The following ZNF324B variants were observed in gnomAD, a reference collection of about 807,000 sequenced individuals.
ZNF324B encodes zinc finger protein 324B.
ZNF324B carries 7 observed loss-of-function variants against 10.6 expected under a neutral mutation model. The observed-to-expected ratio is 0.66, with a 90% confidence interval of 0.38 to 1.24. The LOEUF (loss-of-function observed/expected upper bound fraction) is 1.24. Among genes scored for constraint, ZNF324B ranks in the 50% most tolerant of loss-of-function variants. ZNF324B has a pLI of 0.02. For missense variants in ZNF324B, 640 were observed against 764.7 expected (o/e 0.84, Z 1.92); for synonymous variants, 316 against 321.0 (o/e 0.98, Z 0.17).
In ZNF324B at chr19:58,456,290, G is replaced by A. The variant is rs2052920564; in HGVS notation, c.1346G>A (p.Gly449Asp). 3.7e-6 allele frequency: 6 copies of A among 1,612,918 alleles called. No individual in the cohort carries two copies. In the East Asian group the frequency reaches 1.3e-4, roughly 36 times the overall value. ...ACCCAGCACCAGCTCCTGCACACGG[G>A]CGAGCGGCCCTTCCGCTGCGTGGAC... ...NLTQHQLLHT[G>D]ERPFRCVDCG... The change falls in exon 4 of 4, where the codon GGC becomes GAC. Residue 449 changes from glycine to aspartate, a missense_variant. Physicochemically the swap from Gly to Asp is moderately conservative, Grantham distance 94 (BLOSUM62 -1). Coordinates refer to ENST00000336614, the MANE Select transcript of ZNF324B (RefSeq NM_207395.3). The surrounding 1 kb of genome is among the most constrained non-coding windows in gnomAD (Gnocchi z 4.7).
chr19:58,434,912 C>A, the ZNF324B span: 1 of 1,614,144 alleles, frequency 6.2e-7, no homozygotes, highest in Non-Finnish European at 8.5e-7. Flanking sequence ...TTCATAAGTG[C>A]GTCCCTGTCC....
the ZNF324B span, among the ~76,000 whole-genome samples, chr19:58,424,671 TTC>T: frequency 1.3e-5 from 2 of 152,132 alleles, no homozygotes; most frequent in African/African-American, 2.4e-5. Context: ...AGTTTGACAG[TTC>T]TTAAAATGTT....
At chr19:58,432,784 C>G in the ZNF324B span, 10 of 165,772 alleles carry the variant, frequency 6.0e-5, no homozygotes, top group South Asian at 1.4e-4. Flanking sequence ...TTTTCTCAAC[C>G]TACCCCAACA....
Position 58,456,647 on chromosome 19 carries a change from G to A in ZNF324B, c.*68G>A. The A allele has an allele frequency of 1.3e-6, 2 of 1,524,308 alleles. No homozygotes were observed. Among genetic ancestry groups the A allele is most frequent in the Non-Finnish European group, 1.8e-6 (2 of 1,127,694 alleles). The allele number at this position is 1,524,308 out of a possible 1,614,324, so 94.4% of individuals were successfully genotyped here. Reference sequence around the variant, plus strand: ...TCCCTTCCACAGCTAAAGGGTCCGAGTGCTCTTCAGATCCACGATGGGGAA... The same window carrying A: ...TCCCTTCCACAGCTAAAGGGTCCGAATGCTCTTCAGATCCACGATGGGGAA... On this transcript the variant is annotated 3_prime_UTR_variant, in exon 4 of 4. Coordinates refer to ENST00000336614, the MANE Select transcript of ZNF324B (RefSeq NM_207395.3). The surrounding 1 kb of genome is among the most constrained non-coding windows in gnomAD (Gnocchi z 4.7).
In ZNF324B at chr19:58,456,485, ACTGCACCCCGGGG is replaced by A. The variant is rs2052924102; in HGVS notation, c.1543_1555del (p.Cys515GlnfsTer21). The A allele has an allele frequency of 6.2e-7, 1 of 1,614,042 alleles. No homozygotes were observed. Among genetic ancestry groups the A allele is most frequent in the African/African-American group, 1.3e-5 (1 of 74,926 alleles). On this transcript the variant is annotated frameshift_variant, in exon 4 of 4. Coordinates refer to ENST00000336614, the MANE Select transcript of ZNF324B (RefSeq NM_207395.3). LOFTEE classifies it low-confidence loss of function (END_TRUNC). The surrounding 1 kb of genome is among the most constrained non-coding windows in gnomAD (Gnocchi z 4.7). ...GAGAAGACCAATGCCGCAGCACCAGACTGCACCCCGGGGCCAGGTTTCCTTCAGGGACATCATC... is the reference window on the plus strand; with the variant it reads ...GAGAAGACCAATGCCGCAGCACCAGACCAGGTTTCCTTCAGGGACATCATC...
the ZNF324B span, chr19:58,429,331 T>C: frequency 6.6e-6 from 1 of 152,212 alleles, no homozygotes; most frequent in African/African-American, 2.4e-5. Flanking sequence ...CATTCCTAAG[T>C]GTCACATGTA....
the ZNF324B span, chr19:58,437,605 T>C: frequency 1.3e-6 from 1 of 790,066 alleles, no homozygotes; most frequent in Non-Finnish European, 1.5e-6. Flanking sequence ...ATGGGCCCAA[T>C]GGTTCACATT....
At chr19:58,432,818 CT>C in the ZNF324B span, 2 of 166,570 alleles carry the variant, frequency 1.2e-5, no homozygotes, top group Admixed American at 1.1e-4. Flanking sequence ...TAAAGGTGAC[CT>C]GATCAATAAG....
the ZNF324B span, among the ~76,000 whole-genome samples, chr19:58,420,846 T>TA: frequency 6.6e-6 from 1 of 151,474 alleles, no homozygotes; most frequent in Admixed American, 6.6e-5. Flanking sequence ...TAGCTGGGAT[T>TA]ATAGGCATCG....
the ZNF324B span, among the ~76,000 whole-genome samples, chr19:58,426,804 C>T: frequency 6.6e-6 from 1 of 152,176 alleles, no homozygotes; most frequent in African/African-American, 2.4e-5. Context: ...AGAGAACTAC[C>T]ATTGCATACA....
upstream of ZNF324B, among the ~76,000 whole-genome samples, chr19:58,447,241 G>A (rs1027437189): frequency 1.3e-5 from 2 of 152,060 alleles, no homozygotes; most frequent in African/African-American, 2.4e-5. Flanking sequence ...GCCTCCCAAA[G>A]TGCTGGGATT....
chr19:58,446,933 C>T (rs1466590775), upstream of ZNF324B, among the ~76,000 whole-genome samples: 1 of 150,212 alleles, frequency 6.7e-6, no homozygotes. Flanking sequence ...CTTTCCTTTG[C>T]TTTCCTTTCC....
At chr19:58,422,796 C>T in the ZNF324B span, among the ~76,000 whole-genome samples, 1 of 151,330 alleles carries the variant, frequency 6.6e-6, no homozygotes, top group Non-Finnish European at 1.5e-5. Context: ...CAAATAACCC[C>T]CTTCCAAAAA....
chr19:58,448,937 G>A (rs117639670), upstream of ZNF324B, among the ~76,000 whole-genome samples: 777 of 152,302 alleles, frequency 5.1e-3, 4 homozygotes, highest in Middle Eastern at 6.8e-3. Context: ...AAGTAACCAG[G>A]AGTCAAATGT....
chr19:58,432,018 A>G, the ZNF324B span, among the ~76,000 whole-genome samples: 1 of 152,060 alleles, frequency 6.6e-6, no homozygotes, highest in South Asian at 2.1e-4. Context: ...GCCAAACACC[A>G]TATTCTACAA....
chr19:58,446,893 C>CTTTTT (rs1314219256), upstream of ZNF324B, among the ~76,000 whole-genome samples: 1 of 151,632 alleles, frequency 6.6e-6, no homozygotes, highest in Admixed American at 6.6e-5. Context: ...TTTGTCTTTT[C>CTTTTT]TTTTTTCTTT....
chr19:58,436,538 GGCACCTGTAGTCCCA>G, the ZNF324B span, among the ~76,000 whole-genome samples: 1 of 151,732 alleles, frequency 6.6e-6, no homozygotes, highest in Non-Finnish European at 1.5e-5. Flanking sequence ...TGTGGTGGCA[GGCACCTGTAGTCCCA>G]GCTACTTGGG....
chr19:58,432,997 G>T, the ZNF324B span: 1 of 207,174 alleles, frequency 4.8e-6, no homozygotes, highest in Non-Finnish European at 9.6e-6. Flanking sequence ...CCCTCAACCA[G>T]CATCGGTTCA....
chr19:58,447,025 G>T (rs1314284209), upstream of ZNF324B, among the ~76,000 whole-genome samples: 4 of 150,598 alleles, frequency 2.7e-5, no homozygotes, highest in Admixed American at 6.6e-5. Context: ...GCTCAGGCTG[G>T]AGTGCAGTGG....
Sources: gnomAD v4.1 joint callset for allele counts (sites outside exome capture counted in the v4.1 genomes callset) on GRCh38, gnomAD v4.1.1 for gene constraint, Gnocchi (gnomAD v3.1) non-coding constraint, MANE v1.5 for transcripts, NCBI Gene and HGNC (gene_info 2026-07-23, HGNC 2026-07-21) for gene names.